PPHLN1: variants seen among roughly 807,000 people sequenced by gnomAD.
The protein encoded by PPHLN1 is periphilin-1.
A neutral mutation model predicts 51.3 loss-of-function variants in PPHLN1; 29 were observed. The ratio of observed to expected loss-of-function variants is 0.57; its 90% CI spans 0.42 to 0.77. The LOEUF is 0.77. PPHLN1 is among the 30% of genes least tolerant of loss of function. The pLI is 0.00. For synonymous variants in PPHLN1, 147 were observed against 147.8 expected (o/e 0.99, Z 0.04); for missense variants, 436 against 438.4 (o/e 0.99, Z 0.05).
chr12:42,426,605 A>G (rs969635279), intron 9 of PPHLN1, among the ~76,000 whole-genome samples: 7 of 152,244 alleles, frequency 4.6e-5, no homozygotes, highest in Non-Finnish European at 1.0e-4. Flanking sequence ...TAGTAACTTA[A>G]TACTTCTAAT....
At chr12:42,391,960 T>C (rs1438109524) in intron 7 of PPHLN1, among the ~76,000 whole-genome samples, 1 of 152,212 alleles carries the variant, frequency 6.6e-6, no homozygotes, top group African/African-American at 2.4e-5. Context: ...CTCATGCTTG[T>C]AATCTCAGCA....
intron 9 of PPHLN1, among the ~76,000 whole-genome samples, chr12:42,440,548 T>A (rs559729119): frequency 7.0e-4 from 107 of 152,364 alleles, no homozygotes; most frequent in African/African-American, 2.5e-3. Flanking sequence ...CTAACTTGGT[T>A]AATAGTCCAT....
intron 9 of PPHLN1, 143 bp from the exon 10 acceptor site, chr12:42,441,172 C>CA (rs1212567283): frequency 8.6e-7 from 1 of 1,167,282 alleles, no homozygotes; most frequent in African/African-American, 1.6e-5. Flanking sequence ...GTAATAGTGA[C>CA]AATGCAAGGG....
chr12:42,332,238 A>G (rs533624153), intron 1 of PPHLN1, among the ~76,000 whole-genome samples: 1 of 152,324 alleles, frequency 6.6e-6, no homozygotes, highest in South Asian at 2.1e-4. Context: ...GCAAGTTTCC[A>G]TTTGAATATA....
At chr12:42,353,996 A>T (rs143351197) in intron 3 of PPHLN1, among the ~76,000 whole-genome samples, 245 of 152,290 alleles carry the variant, frequency 1.6e-3, no homozygotes, top group South Asian at 9.3e-3. Flanking sequence ...ACTAATTCTT[A>T]TATAGAGTTC....
chr12:42,332,925 T>G (rs2070002094), intron 1 of PPHLN1, among the ~76,000 whole-genome samples: 1 of 152,216 alleles, frequency 6.6e-6, no homozygotes, highest in Non-Finnish European at 1.5e-5. Context: ...TTATGCTTAT[T>G]GAATGATTTT....
At chr12:42,340,967 T>C (rs1565754603) in intron 2 of PPHLN1, among the ~76,000 whole-genome samples, 3 of 150,784 alleles carry the variant, frequency 2.0e-5, no homozygotes, top group African/African-American at 7.4e-5. Flanking sequence ...CTCTCCCTTT[T>C]TTTCTTTCTT....
At chr12:42,379,295 T>A (rs907412443) in intron 5 of PPHLN1, among the ~76,000 whole-genome samples, 8 of 152,038 alleles carry the variant, frequency 5.3e-5, no homozygotes, top group Admixed American at 1.3e-4. Context: ...TCCAGTCCTT[T>A]TATGTAGCTC....
At chr12:42,339,548 C>G (rs770620219) in intron 2 of PPHLN1, among the ~76,000 whole-genome samples, 13 of 151,538 alleles carry the variant, frequency 8.6e-5, no homozygotes, top group Non-Finnish European at 1.5e-4. Context: ...TGCGATGGAT[C>G]CCTTTAGCTG....
intron 9 of PPHLN1, chr12:42,400,462 C>A (rs1284321547): frequency 1.8e-5 from 2 of 111,030 alleles, no homozygotes; most frequent in African/African-American, 7.2e-5. Flanking sequence ...AGCGAGACTC[C>A]GTCTCAAAAA....
At chr12:42,394,098 A>G (rs940853994) in intron 8 of PPHLN1, among the ~76,000 whole-genome samples, 10 of 152,262 alleles carry the variant, frequency 6.6e-5, no homozygotes, top group Non-Finnish European at 1.3e-4. Context: ...CATGCAGATT[A>G]TCTCATAAAT....
Position 42,374,902 on chromosome 12 carries a change from T to C in PPHLN1, c.339T>C (p.Ser113=). 1 of 1,613,570 alleles carries C rather than the reference T, an allele frequency of 6.2e-7. No individual in the cohort carries two copies. The highest frequency in any genetic ancestry group is 8.5e-7 in the Non-Finnish European group (1 of 1,179,758). ...RDGFRRKSFY[S]SHYARERSPY... is the part of the protein sequence containing the mutation. Reference sequence around the variant, plus strand: ...GCTTTAGAAGAAAAAGTTTCTACTCTTCCCATTATGCGAGAGAGCGGTCTC... The same window carrying C: ...GCTTTAGAAGAAAAAGTTTCTACTCCTCCCATTATGCGAGAGAGCGGTCTC... Residue 113 remains serine (S), a synonymous_variant, in exon 5 of 10, where the codon TCT becomes TCC. Coordinates refer to ENST00000358314, the MANE Select transcript of PPHLN1 (RefSeq NM_201439.2).
chr12:42,448,443 T>C (rs967555183), downstream of PPHLN1: 2 of 152,066 alleles, frequency 1.3e-5, no homozygotes, highest in Non-Finnish European at 2.9e-5. Flanking sequence ...TTTTACATAA[T>C]GTTCTTGATT....
chr12:42,433,140 G>T, intron 9 of PPHLN1: 1 of 773,782 alleles, frequency 1.3e-6, no homozygotes, highest in Non-Finnish European at 2.4e-6. Flanking sequence ...AGCGTCACAA[G>T]CAGTATATTC....
chr12:42,435,051 A>G (rs1237673750), intron 9 of PPHLN1, among the ~76,000 whole-genome samples: 1 of 152,250 alleles, frequency 6.6e-6, no homozygotes, highest in East Asian at 1.9e-4. Context: ...ACTATTCTGC[A>G]ATGATTACAT....
intron 2 of PPHLN1, among the ~76,000 whole-genome samples, chr12:42,348,268 C>G (rs1327177697): frequency 8.0e-6 from 1 of 124,288 alleles, no homozygotes; most frequent in East Asian, 2.4e-4. Context: ...GCACACCTCA[C>G]CTGGCTAATT....
chr12:42,330,391 G>A (rs971574846), intron 1 of PPHLN1, among the ~76,000 whole-genome samples: 2 of 152,142 alleles, frequency 1.3e-5, no homozygotes, highest in Admixed American at 6.5e-5. Flanking sequence ...GGTCTTTCTC[G>A]TCCCACGAGG....
chr12:42,344,679 GTTAC>G (rs1565768034), intron 2 of PPHLN1, among the ~76,000 whole-genome samples: 1 of 149,906 alleles, frequency 6.7e-6, no homozygotes, highest in African/African-American at 2.5e-5. Flanking sequence ...TTTTTACCTA[GTTAC>G]TTATGAGATT....
At chr12:42,407,341 C>T (rs2079403734) in intron 9 of PPHLN1, among the ~76,000 whole-genome samples, 1 of 152,216 alleles carries the variant, frequency 6.6e-6, no homozygotes, top group Non-Finnish European at 1.5e-5. Flanking sequence ...CTTCTGTGCT[C>T]ATTCACATGC....
Sources: allele counts gnomAD v4.1 joint callset (sites outside exome capture counted in the v4.1 genomes callset), GRCh38; gene constraint gnomAD v4.1.1; transcripts MANE v1.5; gene names NCBI Gene and HGNC (gene_info 2026-07-23, HGNC 2026-07-21).